The following CFAP77 variants were observed in gnomAD, a reference collection of about 807,000 sequenced individuals.
CFAP77 encodes cilia and flagella associated protein 77.
In CFAP77, 25 loss-of-function variants were observed where a neutral mutation model predicts 31.1. That is an observed-to-expected ratio of 0.80 (90% CI 0.59 to 1.12). The LOEUF (loss-of-function observed/expected upper bound fraction) is 1.12, where lower values mean the gene tolerates loss of function less well. CFAP77 is among the 50% of genes most tolerant of loss of function. CFAP77 has a pLI of 0.00. For synonymous variants in CFAP77, 151 were observed against 159.9 expected (o/e 0.94, Z 0.42); for missense variants, 377 against 397.3 (o/e 0.95, Z 0.44).
In CFAP77 at chr9:132,498,990, T is replaced by C. The variant is rs1209725161; in HGVS notation, c.295+196T>C. Among the ~76,000 whole-genome samples, 1 of 152,138 alleles carries C rather than the reference T, an allele frequency of 6.6e-6. No individual in the cohort carries two copies. Among genetic ancestry groups the C allele is most frequent in the East Asian group, 1.9e-4 (1 of 5,174 alleles). ...TGGGGAGGGCCAAGCAGGGCCCTGG[T>C]GTGCGGTGTCAGGGAACTAGCATGG... On this transcript the variant is annotated intron_variant, in intron 2 of 5. Coordinates refer to ENST00000393216, the MANE Select transcript of CFAP77 (RefSeq NM_001282957.2). This position sits in a 1 kb window ranked among gnomAD's most constrained non-coding sequence, Gnocchi z 4.2.
At chr9:132,451,461 T>C (rs1383747282) in intron 1 of CFAP77, among the ~76,000 whole-genome samples, 1 of 152,146 alleles carries the variant, frequency 6.6e-6, no homozygotes, top group Non-Finnish European at 1.5e-5. Context: ...GCCCATGACA[T>C]TCAATGATTC....
rs1048619640 is a variant in CFAP77 at position 132,565,872 on chromosome 9, C to T, written c.733-6516C>T. ...CTTCGCCAACCGGGATAAAGCCTCC[C>T]GCTCGCCCGGCTCCCAGGGCTGCTG... On this transcript the variant is annotated intron_variant, in intron 5 of 5. Transcript: ENST00000393216. This position sits in a 1 kb window ranked among gnomAD's most constrained non-coding sequence, Gnocchi z 4.1. Among the ~76,000 whole-genome samples, 2 of 152,334 alleles carry T rather than the reference C, an allele frequency of 1.3e-5. No homozygotes were observed. The highest frequency in any genetic ancestry group is 2.9e-5 in the Non-Finnish European group (2 of 68,024).
intron 1 of CFAP77, among the ~76,000 whole-genome samples, chr9:132,415,467 T>C (rs1268880999): frequency 6.6e-6 from 1 of 151,666 alleles, no homozygotes; most frequent in African/African-American, 2.4e-5. Context: ...AGGAGCCTGC[T>C]GTCCTCTTTG....
chr9:132,486,259 AT>A (rs1421108695), intron 1 of CFAP77, among the ~76,000 whole-genome samples: 1 of 149,086 alleles, frequency 6.7e-6, no homozygotes, highest in Admixed American at 6.7e-5. Context: ...CGCCCGGCTA[AT>A]TTTTTGTATT....
At chr9:132,428,592 G>C (rs1188146512) in intron 1 of CFAP77, among the ~76,000 whole-genome samples, 1 of 152,130 alleles carries the variant, frequency 6.6e-6, no homozygotes, top group African/African-American at 2.4e-5. Context: ...TCCAGCCTGA[G>C]CGACAGAGCG....
rs534309816 is a variant in CFAP77, at chr9:132,563,232, C to T, written c.733-9156C>T. Among the ~76,000 whole-genome samples the T allele has an allele frequency of 8.6e-5, 13 of 151,034 alleles. No homozygotes were observed. The South Asian group carries it at 2.1e-3, about 25-fold the overall frequency. ...GTCTTGCTATGTTGTCCAGGCTGCT[C>T]TCGAACTTCGAGTTTAAGCGATTCT... On this transcript the variant is annotated intron_variant, in intron 5 of 5. Transcript: ENST00000393216.
chr9:132,412,937 T>A (rs1335595405), intron 1 of CFAP77, among the ~76,000 whole-genome samples: 1 of 152,134 alleles, frequency 6.6e-6, no homozygotes, highest in Admixed American at 6.6e-5. Context: ...CCCGTAGTAG[T>A]GTGTGCCTTT....
chr9:132,412,830 AT>A (rs1210863495), intron 1 of CFAP77, among the ~76,000 whole-genome samples: 7 of 151,792 alleles, frequency 4.6e-5, no homozygotes, highest in African/African-American at 2.4e-5. Context: ...GAGCTTTAAG[AT>A]TTTTTTCTTT....
intron 5 of CFAP77, among the ~76,000 whole-genome samples, chr9:132,560,879 G>A (rs924670101): frequency 2.6e-5 from 4 of 152,198 alleles, no homozygotes; most frequent in African/African-American, 9.7e-5. Flanking sequence ...CAGGAAGTTT[G>A]TTTTCCAAGC....
At chr9:132,469,849 T>TC (rs1851221857) in intron 1 of CFAP77, among the ~76,000 whole-genome samples, 1 of 151,024 alleles carries the variant, frequency 6.6e-6, no homozygotes, top group African/African-American at 2.5e-5. Context: ...TTTTTTTTTT[T>TC]TTTTTTTGAG....
At chr9:132,411,862 CACACA>C (rs1168528331) in intron 1 of CFAP77, among the ~76,000 whole-genome samples, 9 of 260 alleles carry the variant, frequency 0.035, no homozygotes, top group African/African-American at 0.055. Context: ...GCAATATGTA[CACACA>C]CACACACACA....
intron 1 of CFAP77, among the ~76,000 whole-genome samples, chr9:132,473,815 C>G (rs982050062): frequency 7.9e-5 from 12 of 152,226 alleles, no homozygotes; most frequent in African/African-American, 2.2e-4. Context: ...TCCCAAGTAG[C>G]TGGGATTACA....
intron 3 of CFAP77, among the ~76,000 whole-genome samples, chr9:132,529,542 C>G (rs1421260170): frequency 7.6e-6 from 1 of 132,414 alleles, no homozygotes; most frequent in Non-Finnish European, 1.6e-5. Flanking sequence ...TAAACACATA[C>G]TTGGCCGGGC....
intron 1 of CFAP77, among the ~76,000 whole-genome samples, chr9:132,425,298 G>T (rs1850294162): frequency 6.6e-6 from 1 of 152,120 alleles, no homozygotes; most frequent in African/African-American, 2.4e-5. Flanking sequence ...AATAGGCTCT[G>T]TGAGCAGAAG....
intron 5 of CFAP77, among the ~76,000 whole-genome samples, chr9:132,543,449 C>T (rs994102490): frequency 6.6e-6 from 1 of 152,000 alleles, no homozygotes; most frequent in Non-Finnish European, 1.5e-5. Flanking sequence ...AGGAGGCTGT[C>T]CACCTGGGGA....
chr9:132,433,327 G>A (rs1850445648), intron 1 of CFAP77, among the ~76,000 whole-genome samples: 1 of 152,192 alleles, frequency 6.6e-6, no homozygotes, highest in South Asian at 2.1e-4. Flanking sequence ...AGCCGTACTC[G>A]TGTGTGAGCT....
At chr9:132,489,415 C>T (rs1405846116) in intron 1 of CFAP77, among the ~76,000 whole-genome samples, 1 of 152,082 alleles carries the variant, frequency 6.6e-6, no homozygotes, top group Admixed American at 6.6e-5. Context: ...GTGAGTTTAA[C>T]CCCAGCTTTT....
chr9:132,524,763 G>C (rs530691784), intron 3 of CFAP77, among the ~76,000 whole-genome samples: 11 of 151,398 alleles, frequency 7.3e-5, no homozygotes, highest in Non-Finnish European at 1.2e-4. Context: ...ATTCTCCTGC[G>C]TCAGCCTCCC....
chr9:132,482,668 G>A (rs957590915), intron 1 of CFAP77, among the ~76,000 whole-genome samples: 2 of 152,024 alleles, frequency 1.3e-5, no homozygotes, highest in Admixed American at 6.6e-5. Flanking sequence ...ATCAGAGTCC[G>A]GTTCCAATCC....
Sources: allele counts gnomAD v4.1 joint callset (sites outside exome capture counted in the v4.1 genomes callset), GRCh38; gene constraint gnomAD v4.1.1; non-coding constraint Gnocchi (gnomAD v3.1); transcripts MANE v1.5; gene names NCBI Gene and HGNC (gene_info 2026-07-23, HGNC 2026-07-21).